Variants in SYNPR observed in about 807,000 individuals in gnomAD.
SYNPR encodes synaptoporin.
Under a neutral mutation model 32.9 loss-of-function variants are expected in SYNPR, and 23 were observed. The observed-to-expected ratio is 0.70, with a 90% confidence interval of 0.50 to 0.99. SYNPR has a LOEUF of 0.99. Among genes scored for constraint, SYNPR ranks in the 50% least tolerant of loss-of-function variants. The pLI is 0.00. For missense variants in SYNPR, 318 were observed against 349.3 expected (o/e 0.91, Z 0.71); for synonymous variants, 146 against 135.9 (o/e 1.07, Z -0.52).
chr3:63,361,570 C>T (rs186221567), intron 2 of SYNPR, among the ~76,000 whole-genome samples: 2,294 of 146,344 alleles, frequency 0.016, 20 homozygotes, highest in Non-Finnish European at 0.025. Flanking sequence ...TGCGCTCCAG[C>T]CTGGGTGACA....
chr3:63,610,042 A>G (rs1043327803), intron 5 of SYNPR, among the ~76,000 whole-genome samples: 1 of 152,230 alleles, frequency 6.6e-6, no homozygotes. Flanking sequence ...CACCCAACTG[A>G]TTAGAGAAAA....
chr3:63,336,086 A>G lies in SYNPR; in HGVS notation c.84+57344A>G, dbSNP rs181723377. On this transcript the variant is annotated intron_variant, in intron 2 of 5. Transcript: ENST00000478300. ...TTAGCAGAAAATAGAAATGTTAAAA[A>G]CAACCTAAATGTCTGACCATTCGAA... is the stretch of plus-strand genomic sequence containing the variant. 1.8e-4 allele frequency among the ~76,000 whole-genome samples: 27 copies of G among 152,272 alleles called. No homozygotes were observed. In the East Asian group the frequency reaches 4.2e-3, roughly 24 times the overall value.
intron 2 of SYNPR, among the ~76,000 whole-genome samples, chr3:63,410,356 A>G (rs927165649): frequency 6.6e-6 from 1 of 152,184 alleles, no homozygotes; most frequent in Non-Finnish European, 1.5e-5. Flanking sequence ...GCTTTCTGTC[A>G]TCTCAAATAG....
Position 63,515,175 on chromosome 3 carries a change from T to G in SYNPR, c.209+34219T>G, listed in dbSNP as rs1344491044. On this transcript the variant is annotated intron_variant, in intron 3 of 5. Transcript: ENST00000478300. ...ATTTCTGCCCCCCCATCTTTTCAAT[T>G]TATGCTTTTTGCTTTCAGCCTTCAA... 2.6e-5 allele frequency among the ~76,000 whole-genome samples: 4 copies of G among 152,228 alleles called. No homozygotes were observed. The South Asian group carries it at 6.2e-4, about 24-fold the overall frequency.
intron 2 of SYNPR, among the ~76,000 whole-genome samples, chr3:63,409,644 A>G (rs17068515): frequency 0.011 from 1,607 of 152,278 alleles, 24 homozygotes; most frequent in African/African-American, 0.037. Flanking sequence ...TGTTCTTCAG[A>G]TATGTATTGA....
At chr3:63,397,712 C>T (rs745572144) in intron 2 of SYNPR, among the ~76,000 whole-genome samples, 2 of 152,134 alleles carry the variant, frequency 1.3e-5, no homozygotes, top group Non-Finnish European at 2.9e-5. Context: ...CTATACCCTG[C>T]CACTGACTAG....
At chr3:63,321,853 T>TA (rs2087114217) in intron 2 of SYNPR, among the ~76,000 whole-genome samples, 1 of 152,070 alleles carries the variant, frequency 6.6e-6, no homozygotes, top group African/African-American at 2.4e-5. Flanking sequence ...CCGTACATTA[T>TA]AAAGCTCCCA....
intron 2 of SYNPR, among the ~76,000 whole-genome samples, chr3:63,464,653 T>C (rs887936057): frequency 1.3e-5 from 2 of 152,172 alleles, no homozygotes; most frequent in Admixed American, 6.5e-5. Context: ...ACATACTTTC[T>C]GGGCAACTAC....
At chr3:63,268,469 C>A (rs2086509466) in intron 3 of SYNPR, among the ~76,000 whole-genome samples, 1 of 152,114 alleles carries the variant, frequency 6.6e-6, no homozygotes, top group African/African-American at 2.4e-5. Context: ...GGAAGCCTTA[C>A]CGGCAGCATA....
At chr3:63,445,391 C>A (rs1352934867) in intron 2 of SYNPR, among the ~76,000 whole-genome samples, 1 of 152,158 alleles carries the variant, frequency 6.6e-6, no homozygotes, top group Non-Finnish European at 1.5e-5. Context: ...CCAATGTGCA[C>A]AGTTTTTACA....
rs1310920831 is a variant in SYNPR, at chr3:63,476,279, G to GGGAAGGAAGGGAGGGAC, written c.85-4541_85-4540insGGGACGGAAGGAAGGGA. Among the ~76,000 whole-genome samples the GGGAAGGAAGGGAGGGAC allele has an allele frequency of 1.2e-3, 51 of 42,752 alleles. 1 individual carries two copies. Among genetic ancestry groups the GGGAAGGAAGGGAGGGAC allele is most frequent in the African/African-American group, 4.0e-3 (47 of 11,864 alleles). 28.0% of individuals were successfully genotyped at this position (42,752 alleles called of 152,430 possible). A position where few individuals can be genotyped will look rare whatever the true frequency, so the allele number is the denominator to read the frequency against. ...AAGAAGGAAGGAAGGAAGGGAGGGA[G>GGGAAGGAAGGGAGGGAC]GGAAGGAAGGGAAGGGAGGGAAGGA... On this transcript the variant is annotated intron_variant, in intron 2 of 5. Transcript: ENST00000478300.
At chr3:63,449,548 C>T (rs1394452600) in intron 2 of SYNPR, among the ~76,000 whole-genome samples, 1 of 152,136 alleles carries the variant, frequency 6.6e-6, no homozygotes, top group East Asian at 1.9e-4. Flanking sequence ...CCAAAATTAC[C>T]ACCAGACATT....
At chr3:63,543,603 C>A (rs142774734) in intron 3 of SYNPR, among the ~76,000 whole-genome samples, 141 of 151,990 alleles carry the variant, frequency 9.3e-4, no homozygotes, top group East Asian at 5.6e-3. Context: ...CTTTTTTGAC[C>A]CTTCTATGAC....
At chr3:63,509,923 T>G (rs1400657279) in intron 3 of SYNPR, among the ~76,000 whole-genome samples, 1 of 151,904 alleles carries the variant, frequency 6.6e-6, no homozygotes, top group Non-Finnish European at 1.5e-5. Flanking sequence ...GAGATAGAAT[T>G]CTTTCTTCTC....
chr3:63,331,776 C>G (rs73108904), intron 2 of SYNPR, among the ~76,000 whole-genome samples: 27 of 152,322 alleles, frequency 1.8e-4, no homozygotes, highest in Non-Finnish European at 3.8e-4. Flanking sequence ...GGTTCAGAAA[C>G]TTTTCTAAAG....
chr3:63,435,160 A>G (rs1460395501), intron 2 of SYNPR, among the ~76,000 whole-genome samples: 2 of 152,236 alleles, frequency 1.3e-5, no homozygotes, highest in African/African-American at 4.8e-5. Flanking sequence ...GTGGAGATTT[A>G]TAACCTGGGC....
the SYNPR span, among the ~76,000 whole-genome samples, chr3:63,208,015 T>G: frequency 6.6e-6 from 1 of 150,908 alleles, no homozygotes; most frequent in South Asian, 2.1e-4. Context: ...TAATAAATTT[T>G]TCATTAATTC....
chr3:63,415,174 C>T (rs1037156502), intron 2 of SYNPR, among the ~76,000 whole-genome samples: 3 of 152,232 alleles, frequency 2.0e-5, no homozygotes, highest in South Asian at 2.1e-4. Context: ...TTATGCATAT[C>T]GTATCTTTAT....
At chr3:63,442,727 T>C (rs559619482) in intron 2 of SYNPR, among the ~76,000 whole-genome samples, 18 of 152,186 alleles carry the variant, frequency 1.2e-4, no homozygotes, top group Non-Finnish European at 2.1e-4. Flanking sequence ...TTGTAATCTG[T>C]CCCTTCTACA....
Sources: allele counts gnomAD v4.1 joint callset (sites outside exome capture counted in the v4.1 genomes callset), GRCh38; gene constraint gnomAD v4.1.1; transcripts MANE v1.5; gene names NCBI Gene and HGNC (gene_info 2026-07-23, HGNC 2026-07-21).